The following PLS3 variants were observed in gnomAD, a reference collection of about 807,000 sequenced individuals.
The protein encoded by PLS3 is plastin-3.
PLS3 carries 11 observed loss-of-function variants against 46.5 expected under a neutral mutation model. That is an observed-to-expected ratio of 0.24 (90% CI 0.15 to 0.39). The LOEUF (loss-of-function observed/expected upper bound fraction) is 0.39. Among genes scored for constraint, PLS3 ranks in the 10% least tolerant of loss-of-function variants. The pLI, the probability that PLS3 is intolerant of heterozygous loss-of-function variation, is 1.00. For synonymous variants in PLS3, 167 were observed against 162.2 expected, an observed-to-expected ratio of 1.03 and a Z score of -0.22; for missense variants, 308 against 461.8, an observed-to-expected ratio of 0.67 and a Z score of 3.05.
At chrX:115,629,121 TATAAA>T (rs2074739652) in intron 3 of PLS3, 72 bp from the exon 4 acceptor site, 1 of 679,997 alleles carries the variant, frequency 1.5e-6, no homozygotes, top group African/African-American at 2.2e-5. Flanking sequence ...GTGATCAAGA[TATAAA>T]AGAATATAAA....
intron 1 of PLS3, among the ~76,000 whole-genome samples, chrX:115,577,022 C>G (rs1477086422): frequency 1.8e-5 from 2 of 112,225 alleles, no homozygotes; most frequent in African/African-American, 6.5e-5. Context: ...AGGTCGCCAT[C>G]ACTGGAGACC....
intron 2 of PLS3, among the ~76,000 whole-genome samples, chrX:115,617,162 G>A (rs2074606265): frequency 9.0e-6 from 1 of 111,245 alleles, no homozygotes; most frequent in African/African-American, 3.3e-5. Flanking sequence ...TTGCTCTGGA[G>A]GGTGACTCAT....
intron 1 of PLS3, among the ~76,000 whole-genome samples, chrX:115,585,986 A>G (rs1415649109): frequency 4.6e-5 from 5 of 108,532 alleles, no homozygotes; most frequent in Non-Finnish European, 9.4e-5. Flanking sequence ...TCAGAAGAAA[A>G]ATCTAATTTT....
chrX:115,642,006 C>T (rs1451315507), intron 9 of PLS3, among the ~76,000 whole-genome samples: 1 of 102,835 alleles, frequency 9.7e-6, no homozygotes, highest in Non-Finnish European at 2.0e-5. Flanking sequence ...CAGTGTCCTT[C>T]ATCTTTTTCA....
intron 2 of PLS3, chrX:115,611,003 G>T: frequency 2.1e-6 from 1 of 485,436 alleles, no homozygotes; most frequent in Non-Finnish European, 3.6e-6. Flanking sequence ...GGTGAGAACA[G>T]CCTACTTATG....
intron 5 of PLS3, among the ~76,000 whole-genome samples, chrX:115,630,188 T>C (rs1291747743): frequency 9.0e-6 from 1 of 111,404 alleles, no homozygotes. Context: ...AGCCTCCATT[T>C]TCTTCTCAAC....
At chrX:115,627,431 T>C (rs1556638633) in intron 3 of PLS3, among the ~76,000 whole-genome samples, 1 of 111,895 alleles carries the variant, frequency 8.9e-6, no homozygotes, top group Non-Finnish European at 1.9e-5. Context: ...CCTTTCAGAT[T>C]TTAACTTATT....
At chrX:115,634,565 T>G (rs953072966) in intron 6 of PLS3, among the ~76,000 whole-genome samples, 2 of 111,881 alleles carry the variant, frequency 1.8e-5, no homozygotes, top group African/African-American at 6.5e-5. Context: ...TATAACACTT[T>G]ACTCACATGG....
At chrX:115,612,445 T>C (rs1036743562) in intron 2 of PLS3, among the ~76,000 whole-genome samples, 1 of 111,729 alleles carries the variant, frequency 9.0e-6, no homozygotes, top group Non-Finnish European at 1.9e-5. Context: ...AAAGGTGTTA[T>C]AGAATTTTTT....
rs1042532268 is a variant in PLS3 at position 115,618,522 on chromosome X, G to A, written c.74-3724G>A. Reference sequence around the variant, plus strand: ...GATTGCTTAAGCCCAGGATTTCAAGGCTGCAGTGAGCTATGATTGTGCCAC... The same window carrying A: ...GATTGCTTAAGCCCAGGATTTCAAGACTGCAGTGAGCTATGATTGTGCCAC... On this transcript the variant is annotated intron_variant, in intron 2 of 15. Transcript: ENST00000355899. 5.4e-5 allele frequency among the ~76,000 whole-genome samples: 6 copies of A among 111,607 alleles called. No homozygotes were observed. In the Admixed American group the frequency reaches 5.7e-4, roughly 11 times the overall value.
At chrX:115,582,489 A>G (rs1347065861) in intron 1 of PLS3, among the ~76,000 whole-genome samples, 6 of 112,381 alleles carry the variant, frequency 5.3e-5, no homozygotes, top group African/African-American at 1.9e-4. Flanking sequence ...AAGTCATACA[A>G]TTGAGGCATC....
intron 15 of PLS3, 60 bp from the exon 16 acceptor site, chrX:115,649,369 C>T: frequency 1.2e-5 from 12 of 996,914 alleles, no homozygotes; most frequent in Non-Finnish European, 1.6e-5. Flanking sequence ...AAATAGATGT[C>T]TTACGTGGTG....
chrX:115,636,815 A>G, intron 7 of PLS3, 21 bp from the exon 8 acceptor site: 8 of 917,597 alleles, frequency 8.7e-6, no homozygotes, highest in Non-Finnish European at 1.0e-5. Flanking sequence ...TAACTGTGGG[A>G]TTTTTTTTTT....
intron 1 of PLS3, among the ~76,000 whole-genome samples, chrX:115,571,289 G>A (rs1198204366): frequency 8.9e-6 from 1 of 111,845 alleles, no homozygotes; most frequent in South Asian, 3.7e-4. Context: ...AGGCCAAGGC[G>A]GGCAAATCAC....
At chrX:115,648,534 G>A (rs1032889540) in intron 15 of PLS3, among the ~76,000 whole-genome samples, 11 of 110,629 alleles carry the variant, frequency 9.9e-5, no homozygotes, top group African/African-American at 1.3e-4. Context: ...ATATTCAGAA[G>A]GTCTTTTCCA....
At chrX:115,572,821 C>T (rs1439689968) in intron 1 of PLS3, among the ~76,000 whole-genome samples, 6 of 110,678 alleles carry the variant, frequency 5.4e-5, no homozygotes, top group African/African-American at 1.6e-4. Context: ...AGACCGTGCC[C>T]GGTGGTTCAT....
At chrX:115,615,051 C>T (rs1038406510) in intron 2 of PLS3, among the ~76,000 whole-genome samples, 9 of 111,159 alleles carry the variant, frequency 8.1e-5, no homozygotes, top group Non-Finnish European at 1.7e-4. Flanking sequence ...CACACACACA[C>T]GCATACACAC....
chrX:115,627,196 C>T lies in PLS3; in HGVS notation c.238-2002C>T, dbSNP rs1245600044. 4.5e-5 allele frequency among the ~76,000 whole-genome samples: 5 copies of T among 111,654 alleles called. No homozygotes were observed. In the East Asian group the frequency reaches 1.4e-3, roughly 31 times the overall value. ...ATTAGTTCGAATTCCCAGACGTTCT[C>T]TTTTTTAAATATGAATTAATCCTTT... On this transcript the variant is annotated intron_variant, in intron 3 of 15. Coordinates refer to ENST00000355899, the MANE Select transcript of PLS3 (RefSeq NM_005032.7).
chrX:115,631,958 C>T (rs903561838), intron 5 of PLS3, among the ~76,000 whole-genome samples: 5 of 109,916 alleles, frequency 4.5e-5, no homozygotes, highest in East Asian at 2.9e-4. Flanking sequence ...TGCTCACCAC[C>T]GCACCCAGCT....
Sources: gnomAD v4.1 joint callset for allele counts (sites outside exome capture counted in the v4.1 genomes callset) on GRCh38, gnomAD v4.1.1 for gene constraint, MANE v1.5 for transcripts, NCBI Gene and HGNC (gene_info 2026-07-23, HGNC 2026-07-21) for gene names.